HERC3: variants seen among roughly 807,000 people sequenced by gnomAD.
The protein encoded by HERC3 is probable E3 ubiquitin-protein ligase HERC3.
Under a neutral mutation model 129.9 loss-of-function variants are expected in HERC3, and 58 were observed. The observed-to-expected ratio is 0.45, with a 90% confidence interval of 0.36 to 0.56. HERC3 has a LOEUF of 0.56. Among genes scored for constraint, HERC3 ranks in the 20% least tolerant of loss-of-function variants. The pLI, the probability that HERC3 is intolerant of heterozygous loss-of-function variation, is 0.00. For synonymous variants in HERC3, 430 were observed against 451.0 expected, an observed-to-expected ratio of 0.95 and a Z score of 0.59; for missense variants, 835 against 1,244.2, an observed-to-expected ratio of 0.67 and a Z score of 4.95.
At chr4:88,616,092 G>C (rs1724868882) in intron 3 of HERC3, among the ~76,000 whole-genome samples, 2 of 152,180 alleles carry the variant, frequency 1.3e-5, no homozygotes, top group Non-Finnish European at 2.9e-5. Context: ...AGCTGAGGAA[G>C]ATGTTATAAG....
At position 88,686,813 on chromosome 4, in the gene HERC3, CCA is replaced by C; in HGVS notation, c.2574+14_2574+15del. ...TGCCTCAACTTCACGGTAAGAATTT[CCA>C]CAGTTTACTTAGGATTGTGGCTGTC... On this transcript the variant is annotated intron_variant, in intron 22 of 25. Transcript: ENST00000402738. 2.5e-6 allele frequency: 4 copies of C among 1,590,800 alleles called. No homozygotes were observed. Among genetic ancestry groups the C allele is most frequent in the Non-Finnish European group, 3.5e-6 (4 of 1,159,304 alleles).
chr4:88,658,681 TCTC>T (rs1345260907), intron 10 of HERC3, among the ~76,000 whole-genome samples, 190 bp downstream of exon 10: 6 of 152,226 alleles, frequency 3.9e-5, no homozygotes, highest in Admixed American at 3.3e-4. Context: ...TGCCAACAAT[TCTC>T]CTGGAATTAT....
chr4:88,655,139 T>C, intron 7 of HERC3, 35 bp from the exon 8 acceptor site: 1 of 1,612,084 alleles, frequency 6.2e-7, no homozygotes, highest in South Asian at 1.1e-5. Flanking sequence ...CCCTTAAAGA[T>C]ACAGTGAAGT....
At chr4:88,538,798 C>G in the HERC3 span, among the ~76,000 whole-genome samples, 1 of 152,154 alleles carries the variant, frequency 6.6e-6, no homozygotes, top group South Asian at 2.1e-4. Context: ...CCGCCTCGGC[C>G]TCCCAAAGTG....
At chr4:88,672,844 G>A (rs940566631) in intron 16 of HERC3, among the ~76,000 whole-genome samples, 6 of 151,960 alleles carry the variant, frequency 3.9e-5, no homozygotes, top group African/African-American at 7.3e-5. Flanking sequence ...TCACGAAGCA[G>A]TTCTTGAGTA....
Position 88,648,064 on chromosome 4 carries a change from A to G in HERC3, c.227-1776A>G, listed in dbSNP as rs114115066. Among the ~76,000 whole-genome samples, 1,441 of 152,218 alleles carry G rather than the reference A, an allele frequency of 9.5e-3. 21 individuals carry two copies. The highest frequency in any genetic ancestry group is 0.032 in the African/African-American group (1,344 of 41,526). ...ATTTTTGTTTGGTTATTATGATTGC[A>G]TGTACCATGATTGCTTTTCTTTCTC... On this transcript the variant is annotated intron_variant, in intron 3 of 25. Transcript: ENST00000402738.
intron 21 of HERC3, among the ~76,000 whole-genome samples, chr4:88,682,061 T>G (rs574846226): frequency 1.3e-4 from 20 of 152,348 alleles, no homozygotes; most frequent in Admixed American, 6.5e-4. Context: ...AATAGTGTTT[T>G]GTTATATGGA....
In HERC3 at chr4:88,606,041, A is replaced by G. The variant is rs1182224389; in HGVS notation, c.218A>G (p.Asn73Ser). The G allele has an allele frequency of 6.2e-7, 1 of 1,612,726 alleles. No individual in the cohort carries two copies. The highest frequency in any genetic ancestry group is 1.1e-5 in the South Asian group (1 of 91,018). Reference sequence around the variant, plus strand: ...CAACTGGGCCATGAGAGGGAAGGAAACAAGCCAGGTAAGTGCACCTTATCT... The same window carrying G: ...CAACTGGGCCATGAGAGGGAAGGAAGCAAGCCAGGTAAGTGCACCTTATCT... ...KGQLGHEREG[N>S]KPEQIGALAD... Residue 73 changes from asparagine (N) to serine (S), a missense_variant, in exon 3 of 26, where the codon AAC (asparagine) becomes AGC (serine). Physicochemically the swap from Asn to Ser is conservative, Grantham distance 46. Transcript: ENST00000402738.
At chr4:88,626,477 G>GT in intron 3 of HERC3, among the ~76,000 whole-genome samples, 1 of 152,092 alleles carries the variant, frequency 6.6e-6, no homozygotes, top group East Asian at 1.9e-4. Context: ...TTTATTATTT[G>GT]TTTTTTCAGC....
chr4:88,696,667 C>T (rs1734629306), intron 23 of HERC3: 1 of 152,874 alleles, frequency 6.5e-6, no homozygotes, highest in African/African-American at 2.4e-5. Context: ...CCATTGCAAT[C>T]TTCCTCAATG....
At chr4:88,614,141 T>C (rs1170922012) in intron 3 of HERC3, among the ~76,000 whole-genome samples, 1 of 152,220 alleles carries the variant, frequency 6.6e-6, no homozygotes, top group East Asian at 1.9e-4. Context: ...TTTTAGTTAA[T>C]TTGTTAATTA....
intron 23 of HERC3, chr4:88,697,589 G>C (rs11554724): frequency 6.2e-7 from 1 of 1,613,670 alleles, no homozygotes; most frequent in Non-Finnish European, 8.5e-7. Context: ...GCAGGGGTCT[G>C]GGGCTCCTCA....
At chr4:88,599,292 T>C (rs909272501) in intron 2 of HERC3, among the ~76,000 whole-genome samples, 2 of 152,132 alleles carry the variant, frequency 1.3e-5, no homozygotes, top group South Asian at 2.1e-4. Flanking sequence ...CGGCAGAGCA[T>C]TGTGATGACC....
At chr4:88,555,213 G>T in the HERC3 span, among the ~76,000 whole-genome samples, 2 of 151,494 alleles carry the variant, frequency 1.3e-5, no homozygotes, top group African/African-American at 4.9e-5. Flanking sequence ...AACCTGGGAG[G>T]CGGAGGTTGC....
chr4:88,639,973 A>G (rs1158727399), intron 3 of HERC3, among the ~76,000 whole-genome samples: 1 of 152,236 alleles, frequency 6.6e-6, no homozygotes, highest in Non-Finnish European at 1.5e-5. Flanking sequence ...ACAAACATGA[A>G]AAAAGCTCAA....
chr4:88,588,012 C>T (rs1721575023), upstream of HERC3, among the ~76,000 whole-genome samples: 1 of 152,336 alleles, frequency 6.6e-6, no homozygotes, highest in Middle Eastern at 3.4e-3. Context: ...CCAGCTAATG[C>T]TCAACTTAAA....
the HERC3 span, among the ~76,000 whole-genome samples, chr4:88,584,815 G>C: frequency 6.6e-6 from 1 of 152,308 alleles, no homozygotes; most frequent in Non-Finnish European, 1.5e-5. Flanking sequence ...TGGTATTCTA[G>C]TATAGCAGCA....
chr4:88,656,572 A>G (rs541025273), intron 9 of HERC3: 3 of 154,092 alleles, frequency 1.9e-5, no homozygotes, highest in Non-Finnish European at 4.3e-5. Context: ...ATCCGCCCTC[A>G]TGATCTAAAC....
At chr4:88,628,257 C>A (rs1415591206) in intron 3 of HERC3, among the ~76,000 whole-genome samples, 2 of 152,076 alleles carry the variant, frequency 1.3e-5, no homozygotes, top group African/African-American at 4.8e-5. Flanking sequence ...TAAGGTTGTT[C>A]GGTGTTAATG....
Sources: gnomAD v4.1 joint callset for allele counts (sites outside exome capture counted in the v4.1 genomes callset) on GRCh38, gnomAD v4.1.1 for gene constraint, MANE v1.5 for transcripts, NCBI Gene and HGNC (gene_info 2026-07-23, HGNC 2026-07-21) for gene names.